The following SIGLEC10 variants were observed in gnomAD, a reference collection of about 807,000 sequenced individuals.
SIGLEC10 encodes the protein sialic acid binding Ig like lectin 10.
Under a neutral mutation model 68.3 loss-of-function variants are expected in SIGLEC10, and 45 were observed. The ratio of observed to expected loss-of-function variants is 0.66; its 90% CI spans 0.52 to 0.84. The LOEUF (loss-of-function observed/expected upper bound fraction) is 0.84, where lower values mean the gene tolerates loss of function less well. Among genes scored for constraint, SIGLEC10 ranks in the 40% least tolerant of loss-of-function variants. SIGLEC10 has a pLI of 0.00. For synonymous variants in SIGLEC10, 379 were observed against 370.8 expected, an observed-to-expected ratio of 1.02 and a Z score of -0.26; for missense variants, 789 against 883.1, an observed-to-expected ratio of 0.89 and a Z score of 1.35.
In SIGLEC10 at chr19:51,411,164, G is replaced by T; in HGVS notation, c.2029C>A (p.Pro677Thr). Residue 677 changes from proline to threonine, a missense_variant, in exon 11 of 11, where the codon CCC becomes ACC. Transcript: ENST00000339313. The part of the protein sequence containing the change: ...YATLNFPGVR[P>T]RPEARMPKGT... ...TTGGGCATCCGGGCCTCAGGCCTGG[G>T]TCTGACGCCTGGGAAGTTGAGCGTG... The T allele has an allele frequency of 6.2e-7, 1 of 1,614,232 alleles. No homozygotes were observed. Among genetic ancestry groups the T allele is most frequent in the Non-Finnish European group, 8.5e-7 (1 of 1,180,032 alleles).
Position 51,411,250 on chromosome 19 carries a change from T to C in SIGLEC10, c.1943A>G (p.Glu648Gly). The change falls in exon 11 of 11, where the codon GAA (glutamate) becomes GGA (glycine). Residue 648 changes from glutamate to glycine, a missense_variant. Glu to Gly is a moderately conservative substitution (Grantham distance 98, BLOSUM62 -2). Coordinates refer to ENST00000339313, the MANE Select transcript of SIGLEC10 (RefSeq NM_033130.5). ...KKQYQLPSFP[E>G]PKSSTQAPES... The stretch of plus-strand genomic sequence containing the variant: ...TGGGGCTTGAGTGGATGATTTGGGT[T>C]CTGGGAAACTGGGCAACTGATACTG... The C allele has an allele frequency of 6.2e-7, 1 of 1,614,128 alleles. No homozygotes were observed. The highest frequency in any genetic ancestry group is 1.1e-5 in the South Asian group (1 of 91,076).
At position 51,416,182 on chromosome 19, in the gene SIGLEC10, A is replaced by G. The variant is rs779787330; in HGVS notation, c.755-15T>C. On this transcript the variant is annotated splice_polypyrimidine_tract_variant and intron_variant, in intron 4 of 10. Coordinates refer to ENST00000339313, the MANE Select transcript of SIGLEC10 (RefSeq NM_033130.5). ...GGGCTCCAGGGCTGGAGTGGGAGGAAAAAAAAAAAAGAGAGAAAGGGAGGG... is the reference window on the plus strand; with the variant it reads ...GGGCTCCAGGGCTGGAGTGGGAGGAGAAAAAAAAAAGAGAGAAAGGGAGGG... The G allele has an allele frequency of 8.3e-6, 11 of 1,330,440 alleles. No individual in the cohort carries two copies. The highest frequency in any genetic ancestry group is 1.9e-4 in the Middle Eastern group (1 of 5,230). The allele number at this position is 1,330,440 out of a possible 1,614,324, so 82.4% of individuals were successfully genotyped here.
At position 51,416,103 on chromosome 19, in the gene SIGLEC10, C is replaced by T. The variant is rs1421166568; in HGVS notation, c.819G>A (p.Arg273=). The part of the protein sequence containing the change: ...YLEAQKGQFL[R]LLCAADSQPP... Reference sequence around the variant, plus strand: ...GCTGGCTGTCAGCAGCACAGAGGAGCCGCAGGAACTGGCCTTTTTGGGCTT... The same window carrying T: ...GCTGGCTGTCAGCAGCACAGAGGAGTCGCAGGAACTGGCCTTTTTGGGCTT... Residue 273 remains arginine (R), a synonymous_variant, in exon 5 of 11, where the codon CGG becomes CGA. Coordinates refer to ENST00000339313, the MANE Select transcript of SIGLEC10 (RefSeq NM_033130.5). 10 of 1,608,204 alleles carry T rather than the reference C, an allele frequency of 6.2e-6. No homozygotes were observed. The highest frequency in any genetic ancestry group is 8.5e-6 in the Non-Finnish European group (10 of 1,177,742).
chr19:51,410,850 A>G lies in SIGLEC10; in HGVS notation c.*249T>C. 2.6e-6 allele frequency: 1 copy of G among 377,916 alleles called. No individual in the cohort carries two copies. The highest frequency in any genetic ancestry group is 4.7e-6 in the Non-Finnish European group (1 of 211,288). The allele number at this position is 377,916 out of a possible 1,614,324, so 23.4% of individuals were successfully genotyped here. A position where few individuals can be genotyped will look rare whatever the true frequency, so the allele number is the denominator to read the frequency against. ...TTTTAGTAGAGACGGGGTTTCACCAAGTTGGCCAGGCTGGTCTCGAACTCC... is the reference window on the plus strand; with the variant it reads ...TTTTAGTAGAGACGGGGTTTCACCAGGTTGGCCAGGCTGGTCTCGAACTCC... On this transcript the variant is annotated 3_prime_UTR_variant, in exon 11 of 11. Coordinates refer to ENST00000339313, the MANE Select transcript of SIGLEC10 (RefSeq NM_033130.5).
In SIGLEC10 at chr19:51,415,929, G is replaced by A; in HGVS notation, c.993C>T (p.Ser331=). 6.2e-7 allele frequency: 1 copy of A among 1,613,348 alleles called. No individual in the cohort carries two copies. The highest frequency in any genetic ancestry group is 1.1e-5 in the South Asian group (1 of 91,038). Residue 331 remains serine (S), a synonymous_variant, in exon 5 of 11, where the codon TCC becomes TCT. Coordinates refer to ENST00000339313, the MANE Select transcript of SIGLEC10 (RefSeq NM_033130.5). ...YTCRAENRLG[S]QQRALDLSVQ... is the part of the protein sequence containing the mutation. ...CAGAGAGGTCCAGGGCTCGCTGCTG[G>A]GAGCCAAGCCTGTTCTCCGCTCGGC...
intron 10 of SIGLEC10, among the ~76,000 whole-genome samples, chr19:51,411,624 T>C (rs573784860): frequency 6.6e-6 from 1 of 152,280 alleles, no homozygotes; most frequent in South Asian, 2.1e-4. Flanking sequence ...GACTGTTTAA[T>C]AGGTCATCCA....
At position 51,414,278 on chromosome 19, in the gene SIGLEC10, C is replaced by T. The variant is rs921105722; in HGVS notation, c.1709+144G>A. 5.4e-5 allele frequency: 37 copies of T among 684,994 alleles called. No individual in the cohort carries two copies. Among genetic ancestry groups the T allele is most frequent in the Admixed American group, 4.6e-4 (18 of 38,950 alleles). The allele number at this position is 684,994 out of a possible 1,614,324, so 42.4% of individuals were successfully genotyped here. On this transcript the variant is annotated intron_variant, in intron 9 of 10. Transcript: ENST00000339313. The surrounding 1 kb of genome is among the most constrained non-coding windows in gnomAD (Gnocchi z 4.1). The stretch of plus-strand genomic sequence containing the variant: ...AGTTTGTCAGTTGGACAACATTCTG[C>T]ATTTATGAGAACAGTTTGCTGTTTA...
Position 51,417,616 on chromosome 19 carries a change from G to A in SIGLEC10, c.-35C>T, listed in dbSNP as rs1419026026. 1 of 1,613,708 alleles carries A rather than the reference G, an allele frequency of 6.2e-7. No homozygotes were observed. Among genetic ancestry groups the A allele is most frequent in the South Asian group, 1.1e-5 (1 of 91,078 alleles). On this transcript the variant is annotated 5_prime_UTR_variant, in exon 1 of 11. Transcript: ENST00000339313. The stretch of plus-strand genomic sequence containing the variant: ...GGAGGCGCAGGGCCTGCCTGAGACA[G>A]GCCTGTTCTCTGGTCGTGCTGTGAG...
At position 51,411,156 on chromosome 19, in the gene SIGLEC10, A is replaced by G. The variant is rs145789041; in HGVS notation, c.2037T>C (p.Pro679=). The change falls in exon 11 of 11, where the codon CCT becomes CCC. Residue 679 remains proline, a synonymous_variant. Transcript: ENST00000339313. The part of the protein sequence containing the change: ...TLNFPGVRPR[P]EARMPKGTQA... ...GGGTGCCCTTGGGCATCCGGGCCTC[A>G]GGCCTGGGTCTGACGCCTGGGAAGT... 1.2e-4 allele frequency: 194 copies of G among 1,614,190 alleles called. 1 individual carries two copies. The African/African-American group carries it at 1.5e-3, about 12-fold the overall frequency.
At chr19:51,416,640 A>G (rs111865145) in intron 3 of SIGLEC10, 26 bp downstream of exon 3, 82,591 of 1,609,904 alleles carry the variant, frequency 0.051, 2,739 homozygotes, top group African/African-American at 0.14. Flanking sequence ...CTGTCTGCAC[A>G]CCCCACCCTC....
At position 51,415,550 on chromosome 19, in the gene SIGLEC10, C is replaced by G. The variant is rs772218298; in HGVS notation, c.1072+18G>C. 38 of 1,613,904 alleles carry G rather than the reference C, an allele frequency of 2.4e-5. 2 individuals are homozygous for G. In the Middle Eastern group the frequency reaches 8.2e-4, roughly 35 times the overall value. The stretch of plus-strand genomic sequence containing the variant: ...ATTCGGCACTGAGAGGCCTTGGCTC[C>G]TCTGTCCCCTTTCCTACCTGTCCTG... On this transcript the variant is annotated intron_variant, in intron 6 of 10. Coordinates refer to ENST00000339313, the MANE Select transcript of SIGLEC10 (RefSeq NM_033130.5).
chr19:51,417,210 T>G lies in SIGLEC10; in HGVS notation c.293A>C (p.Lys98Thr). Residue 98 changes from lysine to threonine, a missense_variant, in exon 2 of 11, where the codon AAG becomes ACG. Coordinates refer to ENST00000339313, the MANE Select transcript of SIGLEC10 (RefSeq NM_033130.5). ...TCTGATCACCAAGGAGCAGTTCCCC[T>G]TGGCGGGATCCCCAGTGAGCTGGAA... ...GRFQLTGDPA[K>T]GNCSLVIRDA... is the part of the protein sequence containing the mutation. The G allele has an allele frequency of 1.2e-6, 2 of 1,614,236 alleles. No homozygotes were observed. Among genetic ancestry groups the G allele is most frequent in the Non-Finnish European group, 1.7e-6 (2 of 1,180,034 alleles).
intron 3 of SIGLEC10, 93 bp from the exon 4 acceptor site, chr19:51,416,450 C>T (rs1404235000): frequency 1.3e-5 from 21 of 1,610,992 alleles, no homozygotes; most frequent in Middle Eastern, 1.8e-4. Flanking sequence ...TGGGACTATC[C>T]CGGGAAGACA....
chr19:51,416,237 A>ACATCCCCT, intron 4 of SIGLEC10, 70 bp from the exon 5 acceptor site: 1 of 1,612,302 alleles, frequency 6.2e-7, no homozygotes, highest in Non-Finnish European at 8.5e-7. Flanking sequence ...AGGGAGGAGC[A>ACATCCCCT]CATCCCCTCA....
intron 4 of SIGLEC10, 31 bp from the exon 5 acceptor site, chr19:51,416,198 A>T: frequency 6.2e-7 from 1 of 1,603,148 alleles, no homozygotes; most frequent in Non-Finnish European, 8.5e-7. Context: ...AAAAAGAGAG[A>T]AAGGGAGGGA....
Position 51,411,006 on chromosome 19 carries a change from G to A in SIGLEC10, c.*93C>T. ...AGAGAGAGAGAAAGAGAGAGAGAGAGGGAGAGAAGGAAACTTTGCACTCTG... is the reference window on the plus strand; with the variant it reads ...AGAGAGAGAGAAAGAGAGAGAGAGAAGGAGAGAAGGAAACTTTGCACTCTG... On this transcript the variant is annotated 3_prime_UTR_variant, in exon 11 of 11. Coordinates refer to ENST00000339313, the MANE Select transcript of SIGLEC10 (RefSeq NM_033130.5). The A allele has an allele frequency of 7.2e-7, 1 of 1,382,812 alleles. No individual in the cohort carries two copies. The highest frequency in any genetic ancestry group is 1.4e-5 in the South Asian group (1 of 71,764). 85.7% of individuals were successfully genotyped at this position (1,382,812 alleles called of 1,614,324 possible).
In SIGLEC10 at chr19:51,416,185, A is replaced by C. The variant is rs7258887; in HGVS notation, c.755-18T>G. On this transcript the variant is annotated intron_variant, in intron 4 of 10. Transcript: ENST00000339313. Reference sequence around the variant, plus strand: ...CTCCAGGGCTGGAGTGGGAGGAAAAAAAAAAAAGAGAGAAAGGGAGGGAGA... The same window carrying C: ...CTCCAGGGCTGGAGTGGGAGGAAAACAAAAAAAGAGAGAAAGGGAGGGAGA... The C allele has an allele frequency of 3.0e-3, 4,791 of 1,603,654 alleles. 127 individuals carry two copies. In the African/African-American group the frequency reaches 0.055, roughly 18 times the overall value.
In SIGLEC10 at chr19:51,414,224, C is replaced by G. The variant is rs1988294110; in HGVS notation, c.1709+198G>C. 3.3e-6 allele frequency: 2 copies of G among 600,804 alleles called. No individual in the cohort carries two copies. Among genetic ancestry groups the G allele is most frequent in the African/African-American group, 3.7e-5 (2 of 53,904 alleles). 37.2% of individuals were successfully genotyped at this position (600,804 alleles called of 1,614,324 possible). On this transcript the variant is annotated intron_variant, in intron 9 of 10. Coordinates refer to ENST00000339313, the MANE Select transcript of SIGLEC10 (RefSeq NM_033130.5). The surrounding 1 kb of genome is among the most constrained non-coding windows in gnomAD (Gnocchi z 4.1). The stretch of plus-strand genomic sequence containing the variant: ...AACACTTCGCTTGGGGCGTGACTGC[C>G]CTCAGCATTCCCTCTGGGAAGCAGA...
In SIGLEC10 at chr19:51,417,296, C is replaced by T. The variant is rs1180879752; in HGVS notation, c.207G>A (p.Lys69=). 2 of 1,614,208 alleles carry T rather than the reference C, an allele frequency of 1.2e-6. No individual in the cohort carries two copies. Among genetic ancestry groups the T allele is most frequent in the Non-Finnish European group, 1.7e-6 (2 of 1,180,024 alleles). The part of the protein sequence containing the change: ...YWFKAVTETT[K]GAPVATNHQS... ...GGTGGTTTGTGGCCACAGGAGCACC[C>T]TTGGTTGTCTCAGTCACTGCTTTGA... The change falls in exon 2 of 11, where the codon AAG becomes AAA. Residue 69 remains lysine (K), a synonymous_variant. Coordinates refer to ENST00000339313, the MANE Select transcript of SIGLEC10 (RefSeq NM_033130.5).
Sources: allele counts gnomAD v4.1 joint callset (sites outside exome capture counted in the v4.1 genomes callset), GRCh38; gene constraint gnomAD v4.1.1; non-coding constraint Gnocchi (gnomAD v3.1); transcripts MANE v1.5; gene names NCBI Gene and HGNC (gene_info 2026-07-23, HGNC 2026-07-21).